WDR7: variants seen among roughly 807,000 people sequenced by gnomAD.
WDR7 encodes WD repeat-containing protein 7.
A neutral mutation model predicts 169.4 loss-of-function variants in WDR7; 46 were observed. That is an observed-to-expected ratio of 0.27 (90% CI 0.21 to 0.35). The LOEUF is 0.35. WDR7 is among the 10% of genes least tolerant of loss of function. WDR7 has a pLI of 1.00. For missense variants in WDR7, 1,534 were observed against 1,859.3 expected, an observed-to-expected ratio of 0.83 and a Z score of 3.22; for synonymous variants, 612 against 666.8, an observed-to-expected ratio of 0.92 and a Z score of 1.27.
intron 14 of WDR7, among the ~76,000 whole-genome samples, chr18:56,745,481 G>A (rs969491037): frequency 2.0e-5 from 3 of 152,168 alleles, no homozygotes; most frequent in Non-Finnish European, 4.4e-5. Flanking sequence ...TGAAACTGGC[G>A]TTAGAGTCTC....
chr18:56,987,397 T>C (rs1315914481), intron 26 of WDR7, among the ~76,000 whole-genome samples: 1 of 149,058 alleles, frequency 6.7e-6, no homozygotes, highest in Non-Finnish European at 1.5e-5. Context: ...AGCCTTTCAC[T>C]CACGCTCTGC....
At chr18:57,007,306 T>G (rs1012253279) in intron 26 of WDR7, among the ~76,000 whole-genome samples, 2 of 152,166 alleles carry the variant, frequency 1.3e-5, no homozygotes, top group African/African-American at 4.8e-5. Context: ...ATATTTTTTC[T>G]TTTTATAATT....
At chr18:56,975,174 T>C (rs958892424) in intron 26 of WDR7, among the ~76,000 whole-genome samples, 1 of 151,314 alleles carries the variant, frequency 6.6e-6, no homozygotes, top group Non-Finnish European at 1.5e-5. Context: ...AGGCAGAGGT[T>C]GTAGTGAGCT....
At chr18:56,947,016 G>C (rs973734873) in intron 25 of WDR7, among the ~76,000 whole-genome samples, 1 of 152,080 alleles carries the variant, frequency 6.6e-6, no homozygotes, top group African/African-American at 2.4e-5. Context: ...TAATAATATA[G>C]TGTCATCTAC....
At chr18:56,672,841 G>A (rs1215013293) in intron 2 of WDR7, among the ~76,000 whole-genome samples, 167 bp downstream of exon 2, 14 of 152,134 alleles carry the variant, frequency 9.2e-5, no homozygotes, top group African/African-American at 2.4e-5. Flanking sequence ...ATTCATCAGA[G>A]TTGACTTCTG....
chr18:56,872,870 T>G (rs1204188907), intron 20 of WDR7: 2 of 152,236 alleles, frequency 1.3e-5, no homozygotes, highest in Non-Finnish European at 2.9e-5. Flanking sequence ...CAGAATTATT[T>G]TATTTTTAAT....
intron 27 of WDR7, among the ~76,000 whole-genome samples, chr18:57,023,498 A>T (rs2048318501): frequency 6.6e-6 from 1 of 152,226 alleles, no homozygotes; most frequent in South Asian, 2.1e-4. Context: ...ATAGCATTAA[A>T]ACATTTCCTG....
intron 21 of WDR7, among the ~76,000 whole-genome samples, chr18:56,885,755 A>T (rs2046181112): frequency 6.7e-6 from 1 of 150,332 alleles, no homozygotes; most frequent in Admixed American, 6.7e-5. Context: ...TGAACCCAGG[A>T]GGCGGAGTTC....
intron 19 of WDR7, among the ~76,000 whole-genome samples, chr18:56,796,305 C>G (rs563176648): frequency 6.6e-6 from 1 of 152,336 alleles, no homozygotes; most frequent in African/African-American, 2.4e-5. Flanking sequence ...TACTACCCTA[C>G]TGGCTCACTC....
chr18:56,669,760 C>G (rs1483391499), intron 1 of WDR7, among the ~76,000 whole-genome samples: 1 of 152,056 alleles, frequency 6.6e-6, no homozygotes, highest in African/African-American at 2.4e-5. Context: ...GCTTTTGGCA[C>G]TTTCCATAAA....
chr18:56,729,863 C>T (rs2144798090), intron 13 of WDR7, among the ~76,000 whole-genome samples: 1 of 152,254 alleles, frequency 6.6e-6, no homozygotes, highest in Non-Finnish European at 1.5e-5. Context: ...TTCTTACATA[C>T]TTGAGAATGC....
intron 26 of WDR7, among the ~76,000 whole-genome samples, chr18:57,012,523 G>A (rs2048150374): frequency 6.6e-6 from 1 of 152,222 alleles, no homozygotes; most frequent in African/African-American, 2.4e-5. Flanking sequence ...TGTCCAGAAT[G>A]AGGAGACGGA....
chr18:56,846,339 G>T (rs2045567912), intron 20 of WDR7, among the ~76,000 whole-genome samples: 1 of 151,986 alleles, frequency 6.6e-6, no homozygotes, highest in African/African-American at 2.4e-5. Context: ...CATAATGTGG[G>T]AAGGACCCAG....
In WDR7 at chr18:56,686,864, C is replaced by T. The variant is rs1438852682; in HGVS notation, c.607C>T (p.Pro203Ser). ...AAATCTTTCTTTTCAGGATACTGAG[C>T]CAATATTTGAGGAGGAATCCAAACC... ...SEISDMQDTE[P>S]IFEEESKPIY... Residue 203 changes from proline to serine, a missense_variant, in exon 7 of 28, where the codon CCA (proline) becomes TCA (serine). Transcript: ENST00000254442. The T allele has an allele frequency of 6.3e-7, 1 of 1,597,994 alleles. No homozygotes were observed. The highest frequency in any genetic ancestry group is 1.7e-5 in the Admixed American group (1 of 59,608).
chr18:56,842,491 A>G (rs555981362), intron 20 of WDR7, among the ~76,000 whole-genome samples: 1 of 152,308 alleles, frequency 6.6e-6, no homozygotes, highest in East Asian at 1.9e-4. Context: ...AAACAATAGC[A>G]AGGACTGACG....
At chr18:56,755,060 T>C (rs552667025) in intron 14 of WDR7, among the ~76,000 whole-genome samples, 57 of 152,258 alleles carry the variant, frequency 3.7e-4, no homozygotes, top group Non-Finnish European at 5.6e-4. Flanking sequence ...TCTCCCTTTA[T>C]GTTTCTTTTA....
chr18:56,683,135 T>C (rs2025381737), intron 5 of WDR7, among the ~76,000 whole-genome samples: 1 of 152,072 alleles, frequency 6.6e-6, no homozygotes, highest in South Asian at 2.1e-4. Flanking sequence ...AGCTTAACCT[T>C]TGGGGGTGTA....
chr18:56,792,011 GTTTTC>G (rs2044494822), intron 19 of WDR7, among the ~76,000 whole-genome samples: 1 of 151,870 alleles, frequency 6.6e-6, no homozygotes, highest in African/African-American at 2.4e-5. Context: ...TTCCTAAGGG[GTTTTC>G]TTTTCTTTTT....
intron 1 of WDR7, among the ~76,000 whole-genome samples, chr18:56,656,294 T>C (rs1332220074): frequency 2.0e-5 from 3 of 151,496 alleles, no homozygotes; most frequent in South Asian, 4.2e-4. Context: ...TTTTTTTTTT[T>C]TTGGAGATGG....
Sources: gnomAD v4.1 joint callset for allele counts (sites outside exome capture counted in the v4.1 genomes callset) on GRCh38, gnomAD v4.1.1 for gene constraint, MANE v1.5 for transcripts, NCBI Gene and HGNC (gene_info 2026-07-23, HGNC 2026-07-21) for gene names.